Variants in UACA observed in about 807,000 individuals in gnomAD.
The protein encoded by UACA is nuclear membrane binding protein.
Under a neutral mutation model 160.5 loss-of-function variants are expected in UACA, and 112 were observed. That is an observed-to-expected ratio of 0.70 (90% CI 0.60 to 0.82). The LOEUF is 0.82. UACA is among the 40% of genes least tolerant of loss of function. The probability of loss-of-function intolerance (pLI) is 0.00; values close to 1 mark genes in which losing one functional copy is unlikely to be tolerated. For missense variants in UACA, 1,574 were observed against 1,614.6 expected, an observed-to-expected ratio of 0.97 and a Z score of 0.43; for synonymous variants, 557 against 568.4, an observed-to-expected ratio of 0.98 and a Z score of 0.29.
At chr15:70,738,740 G>T (rs968722117) in intron 1 of UACA, among the ~76,000 whole-genome samples, 1 of 152,170 alleles carries the variant, frequency 6.6e-6, no homozygotes, top group African/African-American at 2.4e-5. Context: ...CCAAAAAAAA[G>T]TATTCTATGT....
Position 70,667,919 on chromosome 15 carries a change from T to A in UACA, c.2765A>T (p.Tyr922Phe). ...ENTQNQIKAE[Y>F]ISLAEHEAKM... ...TGCCTCGTGCTCTGCCAGGCTGATG[T>A]ACTCAGCTTTTATTTGGTTCTGAGT... Residue 922 changes from tyrosine to phenylalanine, a missense_variant, in exon 16 of 19, where the codon TAC becomes TTC. Physicochemically the swap from Tyr to Phe is conservative, Grantham distance 22. Transcript: ENST00000322954. 6.2e-7 allele frequency: 1 copy of A among 1,613,924 alleles called. No homozygotes were observed. Among genetic ancestry groups the A allele is most frequent in the South Asian group, 1.1e-5 (1 of 91,046 alleles).
intron 3 of UACA, among the ~76,000 whole-genome samples, chr15:70,693,526 G>A (rs775747366): frequency 7.2e-5 from 11 of 151,934 alleles, no homozygotes; most frequent in Non-Finnish European, 1.5e-4. Flanking sequence ...ATTCAATAAA[G>A]GACAACTCTA....
At chr15:70,671,628 G>A (rs1897143722) in intron 14 of UACA, 1 of 177,974 alleles carries the variant, frequency 5.6e-6, no homozygotes, top group South Asian at 2.0e-4. Flanking sequence ...CTCCAAATTA[G>A]AAAACTATGT....
At position 70,671,028 on chromosome 15, in the gene UACA, A is replaced by G; in HGVS notation, c.1221+11T>C. 4.6e-6 allele frequency: 7 copies of G among 1,513,946 alleles called. No individual in the cohort carries two copies. Among genetic ancestry groups the G allele is most frequent in the Non-Finnish European group, 6.2e-6 (7 of 1,131,516 alleles). The allele number at this position is 1,513,946 out of a possible 1,614,324, so 93.8% of individuals were successfully genotyped here. ...ATGTTTTTTAAAATTAAAAAAAAAA[A>G]CAGTTATTACCTGTGAGTCTGCCAT... On this transcript the variant is annotated intron_variant, in intron 15 of 18. Coordinates refer to ENST00000322954, the MANE Select transcript of UACA (RefSeq NM_018003.4).
chr15:70,666,612 TG>T (rs1896915502), intron 16 of UACA, 111 bp downstream of exon 16: 1 of 863,688 alleles, frequency 1.2e-6, no homozygotes, highest in Non-Finnish European at 1.6e-6. Context: ...GTTGCTAAAC[TG>T]GAAAGGGTCA....
chr15:70,725,772 C>A (rs1034411050), intron 1 of UACA, among the ~76,000 whole-genome samples: 9 of 151,958 alleles, frequency 5.9e-5, no homozygotes, highest in African/African-American at 9.7e-5. Context: ...GGAAGGTTTT[C>A]AAGAATTCTG....
chr15:70,678,792 G>C (rs1468503181), intron 10 of UACA, among the ~76,000 whole-genome samples: 1 of 151,810 alleles, frequency 6.6e-6, no homozygotes, highest in Non-Finnish European at 1.5e-5. Context: ...TGGAAACTTT[G>C]ACCAATATAA....
chr15:70,694,251 A>T (rs1898045996), intron 3 of UACA, among the ~76,000 whole-genome samples: 1 of 107,634 alleles, frequency 9.3e-6, no homozygotes, highest in East Asian at 2.4e-4. Context: ...CAAAAGAGAT[A>T]GTTATATTCA....
intron 1 of UACA, among the ~76,000 whole-genome samples, chr15:70,713,968 A>G (rs905301777): frequency 6.6e-6 from 1 of 152,186 alleles, no homozygotes; most frequent in Non-Finnish European, 1.5e-5. Flanking sequence ...CCAAGAAAAG[A>G]AAGTCTTCTC....
chr15:70,736,446 G>C (rs1054170926), intron 1 of UACA, among the ~76,000 whole-genome samples: 4 of 151,440 alleles, frequency 2.6e-5, no homozygotes, highest in Non-Finnish European at 5.9e-5. Flanking sequence ...TGCTTTTTTT[G>C]GGGGGTGGGA....
At chr15:70,659,391 G>GTTTTTTT (rs1375150038) in intron 18 of UACA, among the ~76,000 whole-genome samples, 8 of 9,954 alleles carry the variant, frequency 8.0e-4, no homozygotes, top group South Asian at 5.6e-3. Flanking sequence ...TTCATTTTTT[G>GTTTTTTT]TTTGTTTTTT....
intron 7 of UACA, among the ~76,000 whole-genome samples, chr15:70,685,575 G>A (rs1270122236): frequency 6.6e-6 from 1 of 152,116 alleles, no homozygotes; most frequent in Non-Finnish European, 1.5e-5. Context: ...AATGAATATA[G>A]AGTATTAGAA....
intron 1 of UACA, among the ~76,000 whole-genome samples, chr15:70,723,684 G>A (rs1899060462): frequency 6.7e-6 from 1 of 150,222 alleles, no homozygotes; most frequent in African/African-American, 2.5e-5. Flanking sequence ...CCAGGCTGGA[G>A]TCCAGTGGCG....
In UACA at chr15:70,666,967, CTG is replaced by C. The variant is rs748199092; in HGVS notation, c.3715_3716del (p.Gln1239AspfsTer3). 6 of 1,612,584 alleles carry C rather than the reference CTG, an allele frequency of 3.7e-6. No homozygotes were observed. Among genetic ancestry groups the C allele is most frequent in the South Asian group, 1.1e-5 (1 of 90,590 alleles). On this transcript the variant is annotated frameshift_variant, in exon 16 of 19. Transcript: ENST00000322954. LOFTEE classifies it high-confidence loss of function. ...CCAATTTTTCATTTAAGCTAGAAATCTGTGTCTCCAAATCACTTTTTGTTGCT... is the reference window on the plus strand; with the variant it reads ...CCAATTTTTCATTTAAGCTAGAAATCTGTCTCCAAATCACTTTTTGTTGCT... Reference protein sequence around the residue: ...YKATKSDLETQISSLNEKLAN... With the variant: ...YKATKSDLETXISSLNEKLAN...
chr15:70,658,639 A>G (rs920177894), intron 18 of UACA, among the ~76,000 whole-genome samples: 3 of 152,194 alleles, frequency 2.0e-5, no homozygotes, highest in African/African-American at 7.2e-5. Context: ...TAAACTTAAA[A>G]TGGTGGCACG....
intron 13 of UACA, among the ~76,000 whole-genome samples, chr15:70,675,699 T>G (rs968066460): frequency 3.3e-5 from 5 of 152,246 alleles, no homozygotes; most frequent in Admixed American, 6.5e-5. Flanking sequence ...TTTTTCATAA[T>G]GCACACATAG....
At chr15:70,674,075 T>C (rs989211288) in intron 13 of UACA, among the ~76,000 whole-genome samples, 1 of 152,204 alleles carries the variant, frequency 6.6e-6, no homozygotes, top group Non-Finnish European at 1.5e-5. Context: ...TTGCCCAGGC[T>C]GGTCTCGAAC....
chr15:70,709,990 G>A (rs1321345143), intron 1 of UACA, among the ~76,000 whole-genome samples: 1 of 152,224 alleles, frequency 6.6e-6, no homozygotes, highest in Admixed American at 6.5e-5. Flanking sequence ...AAAATCTAAT[G>A]AGGCAGGGTG....
intron 1 of UACA, chr15:70,758,213 A>T (rs2030542821): frequency 6.6e-6 from 1 of 152,218 alleles, no homozygotes; most frequent in Non-Finnish European, 1.5e-5. Flanking sequence ...CAGCAATTCA[A>T]ATCAACATAA....
Sources: allele counts gnomAD v4.1 joint callset (sites outside exome capture counted in the v4.1 genomes callset), GRCh38; gene constraint gnomAD v4.1.1; transcripts MANE v1.5; gene names NCBI Gene and HGNC (gene_info 2026-07-23, HGNC 2026-07-21).